AKAP6: variants seen among roughly 807,000 people sequenced by gnomAD.
AKAP6 encodes A-kinase anchoring protein 6, also known as A-kinase anchor protein 6.
AKAP6 carries 58 observed loss-of-function variants against 188.5 expected under a neutral mutation model. The ratio of observed to expected loss-of-function variants is 0.31; its 90% CI spans 0.25 to 0.38. The LOEUF is 0.38. Ranked by LOEUF, AKAP6 falls within the 10% of genes least tolerant of loss-of-function variation. The probability of loss-of-function intolerance (pLI) is 1.00; values close to 1 mark genes in which losing one functional copy is unlikely to be tolerated. For synonymous variants in AKAP6, 989 were observed against 998.6 expected, an observed-to-expected ratio of 0.99 and a Z score of 0.18; for missense variants, 2,710 against 2,740.0, an observed-to-expected ratio of 0.99 and a Z score of 0.24.
chr14:32,582,535 T>G (rs1312542467), intron 5 of AKAP6, among the ~76,000 whole-genome samples: 1 of 152,178 alleles, frequency 6.6e-6, no homozygotes, highest in Non-Finnish European at 1.5e-5. Flanking sequence ...AATGTTGGCC[T>G]GCCTTGCTAG....
chr14:32,418,416 C>T (rs1016082101), intron 1 of AKAP6, among the ~76,000 whole-genome samples: 2 of 152,150 alleles, frequency 1.3e-5, no homozygotes, highest in Admixed American at 6.5e-5. Flanking sequence ...CTTCCTAACA[C>T]ATCACAGCTA....
Position 32,743,754 on chromosome 14 carries a change from T to C in AKAP6, c.3372+7872T>C, listed in dbSNP as rs554930609. Among the ~76,000 whole-genome samples, 3 of 152,332 alleles carry C rather than the reference T, an allele frequency of 2.0e-5. No individual in the cohort carries two copies. In the South Asian group the frequency reaches 6.2e-4, roughly 32 times the overall value. On this transcript the variant is annotated intron_variant, in intron 11 of 13. Transcript: ENST00000280979. Reference sequence around the variant, plus strand: ...CTGTCTGTGTCTTGAAAAGTTGTTGTAGTTATTATTTTTTTTTGGTTCATC... The same window carrying C: ...CTGTCTGTGTCTTGAAAAGTTGTTGCAGTTATTATTTTTTTTTGGTTCATC...
chr14:32,491,917 C>T (rs1051305933), intron 2 of AKAP6, among the ~76,000 whole-genome samples: 9 of 152,178 alleles, frequency 5.9e-5, no homozygotes, highest in African/African-American at 2.2e-4. Flanking sequence ...AATTGACGTT[C>T]TCCACCATTA....
intron 1 of AKAP6, among the ~76,000 whole-genome samples, chr14:32,347,788 GT>G (rs1376392148): frequency 6.6e-6 from 1 of 152,180 alleles, no homozygotes; most frequent in Non-Finnish European, 1.5e-5. Flanking sequence ...AAAGCCTAAA[GT>G]TTAATTAATA....
At chr14:32,826,887 G>A (rs868437218) in intron 13 of AKAP6, among the ~76,000 whole-genome samples, 1 of 152,106 alleles carries the variant, frequency 6.6e-6, no homozygotes, top group South Asian at 2.1e-4. Flanking sequence ...CTCGGGCAAA[G>A]GGAGAAACAG....
At chr14:32,401,648 T>G (rs947054215) in intron 1 of AKAP6, among the ~76,000 whole-genome samples, 27 of 152,228 alleles carry the variant, frequency 1.8e-4, no homozygotes, top group African/African-American at 5.5e-4. Context: ...GTCGTCTTCC[T>G]TATATTCTCT....
chr14:32,712,262 A>C (rs376372898), intron 9 of AKAP6, among the ~76,000 whole-genome samples: 11 of 152,194 alleles, frequency 7.2e-5, no homozygotes, highest in African/African-American at 2.6e-4. Context: ...AAAAAATTTT[A>C]TTGCAAAAAG....
chr14:32,482,440 A>G (rs1879402342), intron 2 of AKAP6, among the ~76,000 whole-genome samples: 1 of 152,052 alleles, frequency 6.6e-6, no homozygotes, highest in Non-Finnish European at 1.5e-5. Flanking sequence ...CTCAACCTTC[A>G]TTTCCTTTAG....
chr14:32,352,152 A>G (rs1594530495), intron 1 of AKAP6, among the ~76,000 whole-genome samples: 1 of 147,702 alleles, frequency 6.8e-6, no homozygotes, highest in East Asian at 2.0e-4. Flanking sequence ...GTGGGTGTCT[A>G]GGCCCTTTCT....
At chr14:32,584,329 C>T (rs935282899) in intron 5 of AKAP6, among the ~76,000 whole-genome samples, 12 of 152,164 alleles carry the variant, frequency 7.9e-5, no homozygotes, top group South Asian at 2.1e-4. Flanking sequence ...GGATGATTCA[C>T]GCCCCAGGTG....
chr14:32,714,550 CT>C (rs879342947), intron 9 of AKAP6, among the ~76,000 whole-genome samples: 5 of 152,052 alleles, frequency 3.3e-5, no homozygotes, highest in Non-Finnish European at 7.4e-5. Context: ...AGACACTTTC[CT>C]TTTCCTTTTA....
At chr14:32,818,281 C>G (rs2034437074) in intron 12 of AKAP6, among the ~76,000 whole-genome samples, 1 of 152,110 alleles carries the variant, frequency 6.6e-6, no homozygotes, top group Non-Finnish European at 1.5e-5. Flanking sequence ...TAATCTTTTC[C>G]TATGGAAATT....
At chr14:32,755,566 C>T (rs937635862) in intron 11 of AKAP6, among the ~76,000 whole-genome samples, 2 of 151,912 alleles carry the variant, frequency 1.3e-5, no homozygotes, top group Non-Finnish European at 2.9e-5. Context: ...CTCACTCTCT[C>T]TCCCAGGCTG....
intron 4 of AKAP6, among the ~76,000 whole-genome samples, chr14:32,549,925 T>C (rs1594735288): frequency 6.6e-6 from 1 of 152,136 alleles, no homozygotes. Context: ...AGGGCAGAGG[T>C]GTTGGCCTGT....
At chr14:32,752,228 T>C (rs2032166045) in intron 11 of AKAP6, among the ~76,000 whole-genome samples, 1 of 152,176 alleles carries the variant, frequency 6.6e-6, no homozygotes, top group Non-Finnish European at 1.5e-5. Flanking sequence ...TTATTGATAT[T>C]GAAGCATAGG....
chr14:32,393,642 A>G (rs1888782571), intron 1 of AKAP6, among the ~76,000 whole-genome samples: 1 of 152,136 alleles, frequency 6.6e-6, no homozygotes, highest in African/African-American at 2.4e-5. Context: ...TTTCTTGTCT[A>G]TTTTGCAACT....
intron 9 of AKAP6, among the ~76,000 whole-genome samples, chr14:32,721,614 C>T (rs934515234): frequency 1.3e-5 from 2 of 152,144 alleles, no homozygotes; most frequent in African/African-American, 4.8e-5. Context: ...TCTTTTGGTT[C>T]TCTGTAGCCC....
At chr14:32,559,114 C>A (rs1244506394) in intron 4 of AKAP6, among the ~76,000 whole-genome samples, 1 of 152,142 alleles carries the variant, frequency 6.6e-6, no homozygotes, top group East Asian at 1.9e-4. Flanking sequence ...CTATTGAATG[C>A]ATGAATAAAT....
At chr14:32,468,491 C>T (rs191073869) in intron 2 of AKAP6, among the ~76,000 whole-genome samples, 1 of 152,186 alleles carries the variant, frequency 6.6e-6, no homozygotes, top group African/African-American at 2.4e-5. Context: ...AGGGCAGGGA[C>T]TTTGTTGATT....
Sources: allele counts gnomAD v4.1 joint callset (sites outside exome capture counted in the v4.1 genomes callset), GRCh38; gene constraint gnomAD v4.1.1; transcripts MANE v1.5; gene names NCBI Gene and HGNC (gene_info 2026-07-23, HGNC 2026-07-21).